EYA3: variants seen among roughly 807,000 people sequenced by gnomAD.
EYA3 encodes protein phosphatase EYA3.
A neutral mutation model predicts 80.0 loss-of-function variants in EYA3; 39 were observed. That is an observed-to-expected ratio of 0.49 (90% CI 0.38 to 0.64). The LOEUF is 0.64. EYA3 is among the 30% of genes least tolerant of loss of function. EYA3 has a pLI of 0.00. For missense variants in EYA3, 523 were observed against 676.1 expected (o/e 0.77, Z 2.51); for synonymous variants, 206 against 232.8 (o/e 0.88, Z 1.05).
At chr1:28,060,318 A>G (rs1246828688) in intron 1 of EYA3, among the ~76,000 whole-genome samples, 4 of 152,238 alleles carry the variant, frequency 2.6e-5, no homozygotes, top group Non-Finnish European at 5.9e-5. Context: ...GGAGAACATA[A>G]TACTACTTAC....
chr1:28,063,753 T>C (rs1469398842), intron 1 of EYA3, among the ~76,000 whole-genome samples: 1 of 152,218 alleles, frequency 6.6e-6, no homozygotes, highest in Middle Eastern at 3.2e-3. Context: ...GAATAGGTAT[T>C]AGGGAACAAA....
chr1:28,004,784 A>G (rs1641151008), intron 10 of EYA3, among the ~76,000 whole-genome samples: 1 of 152,052 alleles, frequency 6.6e-6, no homozygotes, highest in Non-Finnish European at 1.5e-5. Flanking sequence ...AAGAAACTAG[A>G]AAAACAGCAA....
At chr1:28,082,573 A>C (rs983657485) in intron 1 of EYA3, among the ~76,000 whole-genome samples, 4 of 152,160 alleles carry the variant, frequency 2.6e-5, no homozygotes, top group African/African-American at 9.6e-5. Context: ...TACTCTAAAC[A>C]TGATAGTCCT....
At chr1:27,997,885 TAGAAG>T (rs1185361771) in intron 12 of EYA3, among the ~76,000 whole-genome samples, 1 of 152,230 alleles carries the variant, frequency 6.6e-6, no homozygotes, top group African/African-American at 2.4e-5. Context: ...AGTCAGGAGT[TAGAAG>T]AGGTCATCTA....
intron 7 of EYA3, 128 bp from the exon 8 acceptor site, chr1:28,017,367 A>G: frequency 1.5e-6 from 1 of 647,536 alleles, no homozygotes; most frequent in Non-Finnish European, 2.6e-6. Flanking sequence ...GGAAACAAAC[A>G]CTCGTTTTGC....
intron 16 of EYA3, among the ~76,000 whole-genome samples, chr1:27,982,265 T>C (rs1027532787): frequency 6.6e-6 from 1 of 151,982 alleles, no homozygotes; most frequent in Non-Finnish European, 1.5e-5. Context: ...CCCAAAGTGC[T>C]AGGATTACAG....
intron 4 of EYA3, 25 bp from the exon 5 acceptor site, chr1:28,038,930 G>C (rs1321602881): frequency 6.5e-7 from 1 of 1,535,074 alleles, no homozygotes; most frequent in African/African-American, 1.4e-5. Flanking sequence ...ATATCACCAG[G>C]TTAAAAAGTT....
At chr1:28,003,256 C>A (rs916740362) in intron 11 of EYA3, among the ~76,000 whole-genome samples, 1 of 148,828 alleles carries the variant, frequency 6.7e-6, no homozygotes, top group South Asian at 2.1e-4. Context: ...GGTGACACAG[C>A]GAGACTCCGT....
intron 11 of EYA3, among the ~76,000 whole-genome samples, chr1:28,003,272 AC>A (rs1234711500): frequency 5.0e-5 from 1 of 19,954 alleles, no homozygotes; most frequent in Non-Finnish European, 1.2e-4. Flanking sequence ...TCCGTCTCAA[AC>A]AACAACAACA....
intron 5 of EYA3, among the ~76,000 whole-genome samples, chr1:28,035,987 G>T (rs1450494851): frequency 1.3e-5 from 2 of 152,036 alleles, no homozygotes; most frequent in Non-Finnish European, 2.9e-5. Flanking sequence ...GCTAATTTTT[G>T]TATTTTTAGT....
chr1:28,042,008 A>G (rs1643809858), intron 4 of EYA3, among the ~76,000 whole-genome samples: 1 of 152,196 alleles, frequency 6.6e-6, no homozygotes, highest in Non-Finnish European at 1.5e-5. Flanking sequence ...CAGTTTCCCA[A>G]TGGACCAGAA....
chr1:28,071,983 C>A (rs1446160882), intron 1 of EYA3, among the ~76,000 whole-genome samples: 1 of 152,096 alleles, frequency 6.6e-6, no homozygotes, highest in Non-Finnish European at 1.5e-5. Context: ...TTCCCAGGGG[C>A]CCTCTGTACT....
At chr1:27,985,550 TC>T (rs1426977932) in intron 16 of EYA3, among the ~76,000 whole-genome samples, 1 of 152,150 alleles carries the variant, frequency 6.6e-6, no homozygotes, top group Non-Finnish European at 1.5e-5. Context: ...AGGGCGTAGT[TC>T]TTAGACCTCT....
intron 6 of EYA3, among the ~76,000 whole-genome samples, chr1:28,031,691 A>G (rs1643146809): frequency 6.6e-6 from 1 of 152,240 alleles, no homozygotes; most frequent in Non-Finnish European, 1.5e-5. Context: ...GAAAAAGCAC[A>G]TGAAAGGATA....
At chr1:28,028,444 C>T (rs1466242484) in intron 6 of EYA3, among the ~76,000 whole-genome samples, 1 of 152,014 alleles carries the variant, frequency 6.6e-6, no homozygotes, top group East Asian at 1.9e-4. Flanking sequence ...AAAGACATAC[C>T]TGCTTATTTT....
rs12121009 is a variant in EYA3, at chr1:28,013,869, C to A, written c.586-575G>T. 0.042 allele frequency among the ~76,000 whole-genome samples: 6,378 copies of A among 152,236 alleles called. 178 individuals carry two copies. The highest frequency in any genetic ancestry group is 0.062 in the Non-Finnish European group (4,200 of 68,018). Reference sequence around the variant, plus strand: ...CTTGAGGTCAGGAGTTCAAGACCAGCCTGACCAACATGGTGAAACCCTGTT... The same window carrying A: ...CTTGAGGTCAGGAGTTCAAGACCAGACTGACCAACATGGTGAAACCCTGTT... On this transcript the variant is annotated intron_variant, in intron 8 of 17. Coordinates refer to ENST00000373871, the MANE Select transcript of EYA3 (RefSeq NM_001990.4). The surrounding 1 kb of genome is among the most constrained non-coding windows in gnomAD (Gnocchi z 4.0).
intron 7 of EYA3, among the ~76,000 whole-genome samples, chr1:28,022,062 T>C (rs575872634): frequency 5.9e-5 from 9 of 152,190 alleles, no homozygotes; most frequent in Non-Finnish European, 1.2e-4. Flanking sequence ...CTTAATCCTT[T>C]ATCAAATATT....
At chr1:27,998,646 G>A (rs1640618863) in intron 12 of EYA3, among the ~76,000 whole-genome samples, 2 of 151,594 alleles carry the variant, frequency 1.3e-5, no homozygotes, top group Admixed American at 6.6e-5. Flanking sequence ...GGCCAAGGTG[G>A]GAGGATCACT....
intron 2 of EYA3, among the ~76,000 whole-genome samples, chr1:28,053,582 A>G (rs1042665784): frequency 3.9e-5 from 6 of 152,222 alleles, no homozygotes; most frequent in African/African-American, 1.2e-4. Flanking sequence ...AAAAGAAGAT[A>G]CAACTACCTA....
Sources: gnomAD v4.1 joint callset for allele counts (sites outside exome capture counted in the v4.1 genomes callset) on GRCh38, gnomAD v4.1.1 for gene constraint, Gnocchi (gnomAD v3.1) non-coding constraint, MANE v1.5 for transcripts, NCBI Gene and HGNC (gene_info 2026-07-23, HGNC 2026-07-21) for gene names.